Variants in PCDH19 observed in about 807,000 individuals in gnomAD.
PCDH19 encodes the protein protocadherin 19.
In PCDH19, 6 loss-of-function variants were observed where a neutral mutation model predicts 46.2. The observed-to-expected ratio is 0.13, with a 90% CI of 0.07 to 0.26. The LOEUF is 0.26. PCDH19 is among the 10% of genes least tolerant of loss of function. The pLI is 1.00. For synonymous variants in PCDH19, 481 were observed against 415.7 expected, an observed-to-expected ratio of 1.16 and a Z score of -1.91; for missense variants, 740 against 972.3, an observed-to-expected ratio of 0.76 and a Z score of 3.18.
intron 3 of PCDH19, among the ~76,000 whole-genome samples, chrX:100,351,219 C>T (rs1926560257): frequency 8.9e-6 from 1 of 112,880 alleles, no homozygotes; most frequent in African/African-American, 3.2e-5. Flanking sequence ...TGCAGGAAGG[C>T]CTTTGTTTTA....
At position 100,392,195 on chromosome X, in the gene PCDH19, T is replaced by C. The variant is rs777407776; in HGVS notation, c.2616+10329A>G. 5.3e-5 allele frequency among the ~76,000 whole-genome samples: 6 copies of C among 112,386 alleles called. No individual in the cohort carries two copies. The South Asian group carries it at 2.2e-3, about 42-fold the overall frequency. Reference sequence around the variant, plus strand: ...GGTTTTGCTCCATCAGGCCACTACATAATGCATAGTTTTTGCAAAGGCAGG... The same window carrying C: ...GGTTTTGCTCCATCAGGCCACTACACAATGCATAGTTTTTGCAAAGGCAGG... On this transcript the variant is annotated intron_variant, in intron 3 of 5. Coordinates refer to ENST00000373034, the MANE Select transcript of PCDH19 (RefSeq NM_001184880.2).
chrX:100,375,714 A>G (rs1379120254), intron 3 of PCDH19, among the ~76,000 whole-genome samples: 3 of 111,775 alleles, frequency 2.7e-5, no homozygotes, highest in Non-Finnish European at 5.6e-5. Context: ...CAAGCCCTAT[A>G]TGATTAAAGA....
chrX:100,382,223 C>T (rs1296306411), intron 3 of PCDH19, among the ~76,000 whole-genome samples: 1 of 111,049 alleles, frequency 9.0e-6, no homozygotes, highest in African/African-American at 3.3e-5. Context: ...CTTTTGTTCT[C>T]CCCCTCCCCA....
intron 3 of PCDH19, among the ~76,000 whole-genome samples, chrX:100,352,507 C>T (rs1926600803): frequency 8.9e-6 from 1 of 112,344 alleles, no homozygotes; most frequent in African/African-American, 3.2e-5. Context: ...GTGTCCCCAC[C>T]CAAATCTCAT....
chrX:100,382,960 C>T (rs1434481251), intron 3 of PCDH19, among the ~76,000 whole-genome samples: 2 of 112,323 alleles, frequency 1.8e-5, no homozygotes, highest in African/African-American at 6.5e-5. Flanking sequence ...AGCAGAAAAG[C>T]ACACTGAGGT....
intron 3 of PCDH19, among the ~76,000 whole-genome samples, chrX:100,393,499 C>CAT (rs1312277705): frequency 5.4e-5 from 1 of 18,452 alleles, no homozygotes; most frequent in African/African-American, 4.7e-4. Flanking sequence ...TACATACATA[C>CAT]ACACACACAC....
intron 3 of PCDH19, among the ~76,000 whole-genome samples, chrX:100,394,720 A>G (rs935001080): frequency 8.9e-6 from 1 of 111,743 alleles, no homozygotes; most frequent in Non-Finnish European, 1.9e-5. Flanking sequence ...TCTTTTCTGG[A>G]CACTATATTT....
Position 100,309,487 on chromosome X carries a change from T to C in PCDH19, c.2849-12612A>G, listed in dbSNP as rs187420057. Among the ~76,000 whole-genome samples, 3 of 111,061 alleles carry C rather than the reference T, an allele frequency of 2.7e-5. No homozygotes were observed. The Admixed American group carries it at 2.9e-4, about 11-fold the overall frequency. On this transcript the variant is annotated intron_variant, in intron 5 of 5. Transcript: ENST00000373034. ...ATCTCAGAAATCACCACTAAAGAAC[T>C]TATTCATGGAACCAAACACCATTTG...
At chrX:100,301,634 C>T (rs998305436) in intron 5 of PCDH19, among the ~76,000 whole-genome samples, 4 of 111,547 alleles carry the variant, frequency 3.6e-5, no homozygotes, top group African/African-American at 1.3e-4. Flanking sequence ...ATGAACAAGA[C>T]AATCTGTAAC....
Position 100,403,682 on chromosome X carries a change from G to A in PCDH19, c.2148-18C>T. The A allele has an allele frequency of 3.4e-6, 4 of 1,184,685 alleles. No homozygotes were observed. Among genetic ancestry groups the A allele is most frequent in the East Asian group, 3.0e-5 (1 of 33,220 alleles). On this transcript the variant is annotated intron_variant, in intron 1 of 5. Coordinates refer to ENST00000373034, the MANE Select transcript of PCDH19 (RefSeq NM_001184880.2). ...AACAATTACTGCAAAGGAATTTAAAGGTTAGTGCATTCAGCATCCTTCTCC... is the reference window on the plus strand; with the variant it reads ...AACAATTACTGCAAAGGAATTTAAAAGTTAGTGCATTCAGCATCCTTCTCC...
At position 100,407,077 on chromosome X, in the gene PCDH19, G is replaced by T. The variant is rs1928381636; in HGVS notation, c.1521C>A (p.Ser507=). The T allele has an allele frequency of 8.3e-7, 1 of 1,210,273 alleles. No individual in the cohort carries two copies. Among genetic ancestry groups the T allele is most frequent in the Non-Finnish European group, 1.1e-6 (1 of 895,243 alleles). Residue 507 remains serine (S), a synonymous_variant, in exon 1 of 6, where the codon TCC becomes TCA. Transcript: ENST00000373034. ...VRDMPVFTYV[S]INPNSGDIYA... ...AGATGTCGCCTGAGTTGGGATTGAT[G>T]GAGACATAGGTGAAGACAGGCATGT...
chrX:100,362,287 G>C (rs1015013916), intron 3 of PCDH19, among the ~76,000 whole-genome samples: 2 of 111,045 alleles, frequency 1.8e-5, no homozygotes, highest in African/African-American at 6.6e-5. Flanking sequence ...CATCCTGGTC[G>C]GCTCAATACC....
chrX:100,390,149 A>T (rs1469403717), intron 3 of PCDH19, among the ~76,000 whole-genome samples: 1 of 111,749 alleles, frequency 8.9e-6, no homozygotes, highest in Admixed American at 9.6e-5. Context: ...GTGAGGTACT[A>T]CTTATGCTTT....
At position 100,332,533 on chromosome X, in the gene PCDH19, C is replaced by T. The variant is rs1419629159; in HGVS notation, c.2848+9370G>A. 2.7e-5 allele frequency among the ~76,000 whole-genome samples: 3 copies of T among 109,159 alleles called. No homozygotes were observed. In the Admixed American group the frequency reaches 2.9e-4, roughly 11 times the overall value. 94.8% of individuals were successfully genotyped at this position (109,159 alleles called of 115,157 possible). ...CCGTCTCAAAAAAAAAAAAAAAATG[C>T]TTGGTATCAATCCCTTAAACTGGCT... is the stretch of plus-strand genomic sequence containing the variant. On this transcript the variant is annotated intron_variant, in intron 5 of 5. Transcript: ENST00000373034.
Position 100,406,594 on chromosome X carries a change from G to C in PCDH19, c.2004C>G (p.Ala668=). ...AGTTCACAGAGCCCATTGACTCTTG[G>C]GCATCGAGAGCAGGGGACAAGTAGA... ...VLIYLSPALD[A]QESMGSVNLS... The change falls in exon 1 of 6, where the codon GCC becomes GCG. Residue 668 remains alanine (A), a synonymous_variant. Coordinates refer to ENST00000373034, the MANE Select transcript of PCDH19 (RefSeq NM_001184880.2). The C allele has an allele frequency of 8.3e-6, 10 of 1,210,892 alleles. No homozygotes were observed. The highest frequency in any genetic ancestry group is 1.1e-5 in the Non-Finnish European group (10 of 895,037).
At chrX:100,355,943 T>C (rs1005032406) in intron 3 of PCDH19, among the ~76,000 whole-genome samples, 2 of 110,342 alleles carry the variant, frequency 1.8e-5, no homozygotes, top group African/African-American at 3.3e-5. Flanking sequence ...TCTAGAAGAG[T>C]GACTGCAGCT....
rs1926266500 is a variant in PCDH19, at chrX:100,342,046, T to G, written c.2705A>C (p.Asn902Thr). ...SSSTFKDLEG[N>T]SLKDSGHEES... Reference sequence around the variant, plus strand: ...CTCATGTCCACTATCCTTCAGGCTGTTGCCCTCTAAGTCCTTGAAGGTGGA... The same window carrying G: ...CTCATGTCCACTATCCTTCAGGCTGGTGCCCTCTAAGTCCTTGAAGGTGGA... Residue 902 changes from asparagine to threonine, a missense_variant, in exon 5 of 6, where the codon AAC becomes ACC. Around this residue, in one of 5 missense-constraint regions of PCDH19, gnomAD observed 416 missense variants for 476.8 expected, o/e 0.87. Coordinates refer to ENST00000373034, the MANE Select transcript of PCDH19 (RefSeq NM_001184880.2). 1 of 1,208,874 alleles carries G rather than the reference T, an allele frequency of 8.3e-7. No homozygotes were observed.
intron 3 of PCDH19, among the ~76,000 whole-genome samples, chrX:100,370,852 A>G (rs1047300707): frequency 1.8e-5 from 2 of 111,237 alleles, no homozygotes; most frequent in African/African-American, 6.6e-5. Context: ...GACAAGAAAA[A>G]ACAAATAGGT....
chrX:100,356,178 A>G (rs1043432872), intron 3 of PCDH19, among the ~76,000 whole-genome samples: 1 of 111,997 alleles, frequency 8.9e-6, no homozygotes, highest in Non-Finnish European at 1.9e-5. Context: ...ACACTTTTAA[A>G]GTCCCATCGA....
Sources: gnomAD v4.1 joint callset for allele counts (sites outside exome capture counted in the v4.1 genomes callset) on GRCh38, gnomAD v4.1.1 for gene constraint, gnomAD v4.1.1 regional missense constraint, MANE v1.5 for transcripts, NCBI Gene and HGNC (gene_info 2026-07-23, HGNC 2026-07-21) for gene names.